Variants in C17orf67 observed in about 807,000 individuals in gnomAD.
The protein encoded by C17orf67 is uncharacterized protein C17orf67.
A neutral mutation model predicts 11.2 loss-of-function variants in C17orf67; 12 were observed. The ratio of observed to expected loss-of-function variants is 1.07; its 90% CI spans 0.68 to 1.73. C17orf67 has a LOEUF of 1.73. Ranked by LOEUF, C17orf67 falls within the 40% of genes most tolerant of loss-of-function variation. The pLI is 0.00. For missense variants in C17orf67, 115 were observed against 113.5 expected (o/e 1.01, Z -0.06); for synonymous variants, 59 against 46.9 (o/e 1.26, Z -1.05).
chr17:56,797,098 T>C (rs1282583712), intron 6 of C17orf67, among the ~76,000 whole-genome samples: 1 of 152,196 alleles, frequency 6.6e-6, no homozygotes, highest in East Asian at 1.9e-4. Flanking sequence ...ACAATGGTCA[T>C]TGACAGCCTT....
At chr17:56,827,472 C>G (rs764144967) in intron 2 of C17orf67, among the ~76,000 whole-genome samples, 1 of 152,208 alleles carries the variant, frequency 6.6e-6, no homozygotes, top group Non-Finnish European at 1.5e-5. Context: ...GAAAGGAAAT[C>G]AGAATCTGCA....
intron 5 of C17orf67, among the ~76,000 whole-genome samples, chr17:56,815,553 C>T (rs1169045255): frequency 6.6e-6 from 1 of 151,856 alleles, no homozygotes; most frequent in Non-Finnish European, 1.5e-5. Context: ...TGCTCAAATA[C>T]ATTTAAAGAT....
intron 4 of C17orf67, among the ~76,000 whole-genome samples, chr17:56,818,095 T>C (rs1905804048): frequency 6.6e-6 from 1 of 151,798 alleles, no homozygotes; most frequent in Non-Finnish European, 1.5e-5. Context: ...TCTCCTACCT[T>C]GGCCTCCAAA....
chr17:56,797,118 C>A (rs1905228635), intron 6 of C17orf67, among the ~76,000 whole-genome samples: 1 of 152,172 alleles, frequency 6.6e-6, no homozygotes, highest in South Asian at 2.1e-4. Context: ...TTGTTAATCT[C>A]TATGCTTCTC....
intron 6 of C17orf67, among the ~76,000 whole-genome samples, chr17:56,796,421 C>T (rs926755306): frequency 3.3e-5 from 5 of 152,184 alleles, no homozygotes; most frequent in Non-Finnish European, 5.9e-5. Flanking sequence ...GAACATTATG[C>T]TAAGTGACAG....
chr17:56,832,328 C>A (rs1213320511), intron 2 of C17orf67, among the ~76,000 whole-genome samples: 1 of 152,164 alleles, frequency 6.6e-6, no homozygotes, highest in Non-Finnish European at 1.5e-5. Context: ...GGAAAGCTGC[C>A]AAAAGAACTC....
chr17:56,832,109 G>C (rs1906220784), intron 2 of C17orf67, among the ~76,000 whole-genome samples: 1 of 152,102 alleles, frequency 6.6e-6, no homozygotes, highest in South Asian at 2.1e-4. Context: ...ACGATGCCCA[G>C]CTAATTTTTT....
At chr17:56,795,827 T>C (rs544259516) in intron 6 of C17orf67, among the ~76,000 whole-genome samples, 2 of 152,304 alleles carry the variant, frequency 1.3e-5, no homozygotes, top group South Asian at 4.1e-4. Context: ...GCAGAGAACA[T>C]AAATTATACT....
chr17:56,800,309 C>T (rs994410510), intron 6 of C17orf67, among the ~76,000 whole-genome samples: 2 of 152,188 alleles, frequency 1.3e-5, no homozygotes, highest in Non-Finnish European at 2.9e-5. Context: ...TCGTGATCCA[C>T]CCGCCTCAGC....
chr17:56,798,226 G>A lies in C17orf67; in HGVS notation c.157-3046C>T, dbSNP rs1021096841. Among the ~76,000 whole-genome samples the A allele has an allele frequency of 2.0e-5, 3 of 152,168 alleles. No individual in the cohort carries two copies. The South Asian group carries it at 6.2e-4, about 32-fold the overall frequency. ...AGCTTAGGCCCCAGCCCTGGGGCTA[G>A]ACCCCTGCCACAACCTCTGCAGGCT... On this transcript the variant is annotated intron_variant, in intron 6 of 7. Coordinates refer to ENST00000397861, the MANE Select transcript of C17orf67 (RefSeq NM_001085430.4).
At chr17:56,803,811 C>T (rs966634841) in intron 6 of C17orf67, 1 of 152,174 alleles carries the variant, frequency 6.6e-6, no homozygotes, top group East Asian at 1.9e-4. Flanking sequence ...AACAGACACA[C>T]ACTGAGAATA....
At chr17:56,816,621 T>C (rs1359759876) in intron 4 of C17orf67, among the ~76,000 whole-genome samples, 6 of 152,332 alleles carry the variant, frequency 3.9e-5, no homozygotes, top group African/African-American at 1.2e-4. Flanking sequence ...TCTTCAAACC[T>C]AGATCATGTG....
intron 4 of C17orf67, among the ~76,000 whole-genome samples, chr17:56,821,842 T>G (rs780392336): frequency 6.6e-6 from 1 of 152,244 alleles, no homozygotes; most frequent in Non-Finnish European, 1.5e-5. Context: ...TGACTTGTTT[T>G]GGGCAGTGGG....
intron 6 of C17orf67, among the ~76,000 whole-genome samples, chr17:56,814,248 A>G (rs1905699573): frequency 6.6e-6 from 1 of 152,174 alleles, no homozygotes; most frequent in South Asian, 2.1e-4. Context: ...ATGCCACCAA[A>G]GTCAGTATCA....
rs1284583562 is a variant in C17orf67 at position 56,800,432 on chromosome 17, C to G, written c.157-5252G>C. ...ACTTAAAATGTCTGTATGCCTCCCA[C>G]TGGTCTCAGGAGAAAGTTCTGATTC... On this transcript the variant is annotated intron_variant, in intron 6 of 7. Coordinates refer to ENST00000397861, the MANE Select transcript of C17orf67 (RefSeq NM_001085430.4). Among the ~76,000 whole-genome samples, 5 of 152,196 alleles carry G rather than the reference C, an allele frequency of 3.3e-5. No homozygotes were observed. In the East Asian group the frequency reaches 9.6e-4, roughly 29 times the overall value.
At chr17:56,819,886 CA>C (rs1489241564) in intron 4 of C17orf67, among the ~76,000 whole-genome samples, 2 of 152,176 alleles carry the variant, frequency 1.3e-5, no homozygotes. Context: ...CAACTAAGAT[CA>C]GGGGAAAGAG....
intron 2 of C17orf67, among the ~76,000 whole-genome samples, chr17:56,825,944 A>AGTGT (rs34927974): frequency 0.28 from 25,578 of 90,188 alleles, 2,392 homozygotes; most frequent in Admixed American, 0.36. Context: ...GAAACCTGTG[A>AGTGT]GTGTGTGTGT....
chr17:56,826,528 G>A lies in C17orf67; in HGVS notation c.-556-1207C>T, dbSNP rs192726692. Among the ~76,000 whole-genome samples, 21 of 152,238 alleles carry A rather than the reference G, an allele frequency of 1.4e-4. No homozygotes were observed. The East Asian group carries it at 2.9e-3, about 21-fold the overall frequency. On this transcript the variant is annotated intron_variant, in intron 2 of 7. Transcript: ENST00000397861. ...TCCCACTTCATTACACTGCCCCTGC[G>A]TTTTCACAATACAGACTGTTAAATA...
intron 2 of C17orf67, among the ~76,000 whole-genome samples, chr17:56,829,453 A>G (rs573980636): frequency 3.1e-4 from 47 of 152,222 alleles, no homozygotes; most frequent in African/African-American, 1.1e-3. Context: ...ACCCCATCAC[A>G]AGGAGCTTTT....
Sources: allele counts gnomAD v4.1 joint callset (sites outside exome capture counted in the v4.1 genomes callset), GRCh38; gene constraint gnomAD v4.1.1; transcripts MANE v1.5; gene names NCBI Gene and HGNC (gene_info 2026-07-23, HGNC 2026-07-21).